Variants in NOL4 observed in about 807,000 individuals in gnomAD.
The protein encoded by NOL4 is cancer/testis antigen 125.
A neutral mutation model predicts 75.9 loss-of-function variants in NOL4; 17 were observed. The observed-to-expected ratio is 0.22, with a 90% CI of 0.15 to 0.34. The LOEUF (loss-of-function observed/expected upper bound fraction) is 0.34, where lower values mean the gene tolerates loss of function less well. Among genes scored for constraint, NOL4 ranks in the 10% least tolerant of loss-of-function variants. NOL4 has a pLI of 1.00. For missense variants in NOL4, 614 were observed against 793.5 expected (o/e 0.77, Z 2.72); for synonymous variants, 292 against 289.9 (o/e 1.01, Z -0.07).
Position 33,852,568 on chromosome 18 carries a change from A to C in NOL4, c.*274T>G, listed in dbSNP as rs2062670656. The C allele has an allele frequency of 3.9e-6, 1 of 254,894 alleles. No individual in the cohort carries two copies. Among genetic ancestry groups the C allele is most frequent in the African/African-American group, 2.2e-5 (1 of 44,888 alleles). The allele number at this position is 254,894 out of a possible 1,614,324, so 15.8% of individuals were successfully genotyped here. A position where few individuals can be genotyped will look rare whatever the true frequency, so the allele number is the denominator to read the frequency against. On this transcript the variant is annotated 3_prime_UTR_variant, in exon 11 of 11. Transcript: ENST00000261592. ...CTTCTGTTTTATCCTTGAATTAAGA[A>C]TAGATAGCCTTTTATGCCCCTGATA...
intron 2 of NOL4, among the ~76,000 whole-genome samples, chr18:34,125,291 A>G (rs894850360): frequency 6.6e-6 from 1 of 152,180 alleles, no homozygotes; most frequent in Non-Finnish European, 1.5e-5. Context: ...TACTGTTAAG[A>G]TCTGCAAACT....
chr18:34,066,006 A>C (rs1447740331), intron 5 of NOL4, among the ~76,000 whole-genome samples: 1 of 151,986 alleles, frequency 6.6e-6, no homozygotes, highest in Non-Finnish European at 1.5e-5. Context: ...TTTTCAAAAT[A>C]TAACCCTTAC....
At chr18:34,055,436 T>C (rs2076796130) in intron 5 of NOL4, among the ~76,000 whole-genome samples, 1 of 152,146 alleles carries the variant, frequency 6.6e-6, no homozygotes, top group African/African-American at 2.4e-5. Flanking sequence ...TTATCACACT[T>C]CCTTTGGCCT....
At chr18:33,873,254 T>G (rs2144526656) in intron 10 of NOL4, among the ~76,000 whole-genome samples, 1 of 150,454 alleles carries the variant, frequency 6.6e-6, no homozygotes, top group South Asian at 2.1e-4. Flanking sequence ...TTATGTGTTT[T>G]TCACACAAAA....
At chr18:34,102,415 C>G (rs2079079941) in intron 4 of NOL4, among the ~76,000 whole-genome samples, 1 of 151,994 alleles carries the variant, frequency 6.6e-6, no homozygotes, top group Admixed American at 6.6e-5. Flanking sequence ...ACTTCCTTTA[C>G]TTAACCTCTT....
At chr18:33,947,104 T>C (rs1396961932) in intron 8 of NOL4, among the ~76,000 whole-genome samples, 1 of 151,820 alleles carries the variant, frequency 6.6e-6, no homozygotes, top group Admixed American at 6.6e-5. Context: ...AAAATTTCTC[T>C]ATAATTTGGC....
chr18:34,203,281 T>C (rs1188230752), intron 1 of NOL4, among the ~76,000 whole-genome samples: 1 of 151,912 alleles, frequency 6.6e-6, no homozygotes, highest in Non-Finnish European at 1.5e-5. Flanking sequence ...CATGGCAGGA[T>C]GAAGGAACAG....
chr18:33,982,820 G>A (rs151051048), intron 6 of NOL4, among the ~76,000 whole-genome samples: 2 of 145,492 alleles, frequency 1.4e-5, no homozygotes, highest in African/African-American at 2.6e-5. Flanking sequence ...GTGCGTTCTC[G>A]GCTCACTGCA....
chr18:34,016,089 G>T (rs1395741792), intron 6 of NOL4, among the ~76,000 whole-genome samples: 1 of 152,048 alleles, frequency 6.6e-6, no homozygotes, highest in African/African-American at 2.4e-5. Context: ...TAGGCTATGT[G>T]AATGGCACTC....
intron 1 of NOL4, among the ~76,000 whole-genome samples, chr18:34,175,505 A>C (rs1039958219): frequency 6.6e-6 from 1 of 152,176 alleles, no homozygotes; most frequent in African/African-American, 2.4e-5. Flanking sequence ...ATGACCACAC[A>C]TGTACAGATA....
At chr18:34,172,141 G>A (rs375793174) in intron 1 of NOL4, among the ~76,000 whole-genome samples, 4 of 152,046 alleles carry the variant, frequency 2.6e-5, no homozygotes, top group Admixed American at 6.6e-5. Context: ...TAACATAAAC[G>A]TAAAAGCTTT....
At chr18:33,997,768 A>G (rs932943670) in intron 6 of NOL4, among the ~76,000 whole-genome samples, 2 of 150,492 alleles carry the variant, frequency 1.3e-5, no homozygotes, top group Non-Finnish European at 3.0e-5. Flanking sequence ...ATGTAGAAAT[A>G]CCACAAAATG....
intron 4 of NOL4, among the ~76,000 whole-genome samples, chr18:34,097,711 C>G (rs780290765): frequency 6.6e-6 from 1 of 152,278 alleles, no homozygotes; most frequent in South Asian, 2.1e-4. Flanking sequence ...CAGTGCATAA[C>G]TGACAATCCT....
intron 2 of NOL4, among the ~76,000 whole-genome samples, chr18:34,110,937 AAAAAT>A (rs1372522148): frequency 6.6e-6 from 1 of 152,144 alleles, no homozygotes; most frequent in East Asian, 1.9e-4. Context: ...AAATAGCATC[AAAAAT>A]AAAATAAACT....
intron 8 of NOL4, among the ~76,000 whole-genome samples, chr18:33,954,975 AC>A (rs1033897388): frequency 2.6e-5 from 4 of 152,074 alleles, no homozygotes; most frequent in Non-Finnish European, 4.4e-5. Context: ...TGTGAATGTA[AC>A]CTGGGGGATG....
chr18:33,898,228 A>T (rs551994841), intron 9 of NOL4, among the ~76,000 whole-genome samples: 1 of 152,256 alleles, frequency 6.6e-6, no homozygotes, highest in Admixed American at 6.5e-5. Flanking sequence ...TATTTCCTAA[A>T]TTATTTTTTT....
At chr18:33,962,444 T>G (rs2070222494) in intron 6 of NOL4, among the ~76,000 whole-genome samples, 1 of 152,308 alleles carries the variant, frequency 6.6e-6, no homozygotes, top group African/African-American at 2.4e-5. Flanking sequence ...AAAATGATAG[T>G]GAATAACCTT....
intron 5 of NOL4, among the ~76,000 whole-genome samples, chr18:34,032,026 G>A (rs2075663435): frequency 1.3e-5 from 2 of 152,236 alleles, no homozygotes; most frequent in South Asian, 4.1e-4. Flanking sequence ...GGGACTAGTG[G>A]TGCTGCAGCT....
intron 2 of NOL4, among the ~76,000 whole-genome samples, chr18:34,123,634 T>C (rs1314717520): frequency 6.8e-6 from 1 of 147,414 alleles, no homozygotes; most frequent in Non-Finnish European, 1.5e-5. Context: ...TCTATATAGA[T>C]ACAGAGAGAT....
Sources: gnomAD v4.1 joint callset for allele counts (sites outside exome capture counted in the v4.1 genomes callset) on GRCh38, gnomAD v4.1.1 for gene constraint, MANE v1.5 for transcripts, NCBI Gene and HGNC (gene_info 2026-07-23, HGNC 2026-07-21) for gene names.